Variants in TMEM167A observed in about 807,000 individuals in gnomAD.
TMEM167A encodes protein kish-A.
In TMEM167A, 8 loss-of-function variants were observed where a neutral mutation model predicts 11.6. The observed-to-expected ratio is 0.69, with a 90% confidence interval of 0.40 to 1.24. The LOEUF (loss-of-function observed/expected upper bound fraction) is 1.24. Ranked by LOEUF, TMEM167A falls within the 50% of genes most tolerant of loss-of-function variation. The pLI is 0.01. For synonymous variants in TMEM167A, 22 were observed against 28.0 expected, an observed-to-expected ratio of 0.79 and a Z score of 0.67; for missense variants, 62 against 87.0, an observed-to-expected ratio of 0.71 and a Z score of 1.14.
intron 3 of TMEM167A, among the ~76,000 whole-genome samples, chr5:83,060,752 AC>A (rs1196184327): frequency 3.3e-5 from 5 of 151,650 alleles, no homozygotes; most frequent in African/African-American, 1.2e-4. Context: ...AAACACTTGA[AC>A]CTGGGAGGCG....
chr5:83,075,662 T>C (rs1352088226), intron 1 of TMEM167A, among the ~76,000 whole-genome samples: 3 of 151,986 alleles, frequency 2.0e-5, no homozygotes, highest in Non-Finnish European at 4.4e-5. Context: ...GGAGAATTGC[T>C]TGAACCCAGG....
At chr5:83,067,661 C>T (rs1352979601) in intron 1 of TMEM167A, among the ~76,000 whole-genome samples, 3 of 151,664 alleles carry the variant, frequency 2.0e-5, no homozygotes, top group East Asian at 3.9e-4. Flanking sequence ...TGCTCCACTA[C>T]GCCTGGCTAA....
chr5:83,059,605 G>A (rs1744378874), intron 3 of TMEM167A, among the ~76,000 whole-genome samples: 1 of 151,956 alleles, frequency 6.6e-6, no homozygotes, highest in South Asian at 2.1e-4. Flanking sequence ...AACCATTGAG[G>A]ATGCTATTTT....
At chr5:83,065,161 T>C in intron 1 of TMEM167A, 44 bp from the exon 2 acceptor site, 1 of 1,235,414 alleles carries the variant, frequency 8.1e-7, no homozygotes, top group Non-Finnish European at 1.1e-6. Flanking sequence ...CAAGAAAAAC[T>C]GCATAGGTAA....
At chr5:83,061,657 AGT>A (rs1467821526) in intron 3 of TMEM167A, among the ~76,000 whole-genome samples, 5 of 152,192 alleles carry the variant, frequency 3.3e-5, no homozygotes, top group African/African-American at 1.2e-4. Context: ...GGCCTCAAAA[AGT>A]GCTGGGACTA....
At chr5:83,075,634 A>G (rs3763063) in intron 1 of TMEM167A, among the ~76,000 whole-genome samples, 69,009 of 151,550 alleles carry the variant, frequency 0.46, 16,035 homozygotes, top group South Asian at 0.53. Context: ...AGTCCCAGCT[A>G]CTCGGGAGGC....
At chr5:83,072,853 G>T (rs1744583619) in intron 1 of TMEM167A, among the ~76,000 whole-genome samples, 1 of 152,164 alleles carries the variant, frequency 6.6e-6, no homozygotes, top group African/African-American at 2.4e-5. Flanking sequence ...TTAGCCTAAT[G>T]AAGTGGTTAT....
intron 3 of TMEM167A, among the ~76,000 whole-genome samples, chr5:83,060,418 C>T (rs1250519162): frequency 6.7e-6 from 1 of 149,098 alleles, no homozygotes; most frequent in African/African-American, 2.5e-5. Flanking sequence ...ACAAATGATT[C>T]CAAAGAGGAC....
intron 3 of TMEM167A, among the ~76,000 whole-genome samples, chr5:83,060,943 A>C (rs2112240277): frequency 6.6e-6 from 1 of 152,314 alleles, no homozygotes; most frequent in Non-Finnish European, 1.5e-5. Flanking sequence ...TTACATATAC[A>C]GGGTGAATGG....
chr5:83,059,142 A>G (rs947284242), intron 3 of TMEM167A, among the ~76,000 whole-genome samples: 1 of 151,444 alleles, frequency 6.6e-6, no homozygotes, highest in African/African-American at 2.4e-5. Flanking sequence ...TCAAGAGAGG[A>G]AAATGGAAAT....
At position 83,053,839 on chromosome 5, in the gene TMEM167A, G is replaced by A. The variant is rs1395410783; in HGVS notation, c.*3245C>T. 1 of 151,948 alleles carries A rather than the reference G, an allele frequency of 6.6e-6. No individual in the cohort carries two copies. The highest frequency in any genetic ancestry group is 1.5e-5 in the Non-Finnish European group (1 of 67,936). 9.4% of individuals were successfully genotyped at this position (151,948 alleles called of 1,614,324 possible). A position where few individuals can be genotyped will look rare whatever the true frequency, so the allele number is the denominator to read the frequency against. Reference sequence around the variant, plus strand: ...TCTTTATTTTCTTCTAGAATCCTGGGATTATCTGAATAATAAATGCCATCA... The same window carrying A: ...TCTTTATTTTCTTCTAGAATCCTGGAATTATCTGAATAATAAATGCCATCA... On this transcript the variant is annotated 3_prime_UTR_variant, in exon 4 of 4. Transcript: ENST00000502346.
intron 3 of TMEM167A, 138 bp from the exon 4 acceptor site, chr5:83,057,292 C>G (rs1282923425): frequency 1.5e-6 from 1 of 669,102 alleles, no homozygotes. Context: ...GTGACAAAAA[C>G]TAGATGCAAC....
At position 83,057,203 on chromosome 5, in the gene TMEM167A, T is replaced by G. The variant is rs747431838; in HGVS notation, c.149-49A>C. 71 of 1,545,306 alleles carry G rather than the reference T, an allele frequency of 4.6e-5. No individual in the cohort carries two copies. In the South Asian group the frequency reaches 7.9e-4, roughly 17 times the overall value. On this transcript the variant is annotated intron_variant, in intron 3 of 3. Transcript: ENST00000502346. ...ATCTTGATTAACTGAGTGGCTAACC[T>G]GGCTATGACAAGGTTATACTACCAT... is the stretch of plus-strand genomic sequence containing the variant.
At chr5:83,062,022 C>A in intron 2 of TMEM167A, 111 bp from the exon 3 acceptor site, 1 of 852,854 alleles carries the variant, frequency 1.2e-6, no homozygotes, top group Non-Finnish European at 1.8e-6. Flanking sequence ...TAACCTTTAA[C>A]ACTTTGCTTC....
intron 2 of TMEM167A, among the ~76,000 whole-genome samples, 188 bp downstream of exon 2, chr5:83,064,820 T>G (rs114152711): frequency 6.6e-6 from 1 of 152,118 alleles, no homozygotes; most frequent in Admixed American, 6.6e-5. Flanking sequence ...ACTTCTGAAA[T>G]TTACCTTTTA....
At chr5:83,066,768 G>A (rs958328082) in intron 1 of TMEM167A, among the ~76,000 whole-genome samples, 2 of 152,168 alleles carry the variant, frequency 1.3e-5, no homozygotes, top group South Asian at 2.1e-4. Context: ...ACGGGGTGGT[G>A]GGGGGTAGAT....
At chr5:83,069,267 G>C (rs188317721) in intron 1 of TMEM167A, among the ~76,000 whole-genome samples, 2 of 152,084 alleles carry the variant, frequency 1.3e-5, no homozygotes, top group African/African-American at 4.8e-5. Context: ...TCCCCTTAAT[G>C]CTTAGCATCT....
chr5:83,064,675 G>A (rs1744455941), intron 2 of TMEM167A, among the ~76,000 whole-genome samples: 1 of 152,038 alleles, frequency 6.6e-6, no homozygotes, highest in South Asian at 2.1e-4. Flanking sequence ...ACTGAAAAAG[G>A]TGGAATGAAG....
chr5:83,061,944 A>G, intron 2 of TMEM167A, 33 bp from the exon 3 acceptor site: 10 of 1,568,888 alleles, frequency 6.4e-6, no homozygotes, highest in Non-Finnish European at 8.8e-6. Context: ...AAAAGTAGCT[A>G]TTGATTACTC....
Sources: allele counts gnomAD v4.1 joint callset (sites outside exome capture counted in the v4.1 genomes callset), GRCh38; gene constraint gnomAD v4.1.1; transcripts MANE v1.5; gene names NCBI Gene and HGNC (gene_info 2026-07-23, HGNC 2026-07-21).